Variants in RAB3GAP1 observed in about 807,000 individuals in gnomAD.
RAB3GAP1 encodes rab3 GTPase-activating protein catalytic subunit.
RAB3GAP1 carries 86 observed loss-of-function variants against 130.7 expected under a neutral mutation model. The observed-to-expected ratio is 0.66, with a 90% CI of 0.55 to 0.79. The LOEUF (loss-of-function observed/expected upper bound fraction) is 0.79, where lower values mean the gene tolerates loss of function less well. RAB3GAP1 is among the 30% of genes least tolerant of loss of function. RAB3GAP1 has a pLI of 0.00. For synonymous variants in RAB3GAP1, 367 were observed against 401.7 expected (o/e 0.91, Z 1.03); for missense variants, 1,029 against 1,169.4 (o/e 0.88, Z 1.75).
Position 135,164,578 on chromosome 2 carries a change from T to TG in RAB3GAP1, c.2607-15dup. On this transcript the variant is annotated splice_polypyrimidine_tract_variant and intron_variant, in intron 22 of 23. Coordinates refer to ENST00000264158, the MANE Select transcript of RAB3GAP1 (RefSeq NM_012233.3). ...GCTCACTTTCCACCCTTTCATTGCC[T>TG]GTCTCTGTCTCCTAGGTTTGTGAGT... 1 of 1,591,670 alleles carries TG rather than the reference T, an allele frequency of 6.3e-7. No individual in the cohort carries two copies. The highest frequency in any genetic ancestry group is 1.1e-5 in the South Asian group (1 of 90,482).
intron 5 of RAB3GAP1, among the ~76,000 whole-genome samples, chr2:135,108,457 C>T (rs72978353): frequency 0.045 from 6,741 of 150,766 alleles, 508 homozygotes; most frequent in African/African-American, 0.16. Flanking sequence ...TCTTTTCATA[C>T]GCTTGTTTGC....
Position 135,120,884 on chromosome 2 carries a change from T to C in RAB3GAP1, c.714T>C (p.Asp238=), listed in dbSNP as rs1210464732. Residue 238 remains aspartate (D), a synonymous_variant, in exon 8 of 24, where the codon GAT becomes GAC. Coordinates refer to ENST00000264158, the MANE Select transcript of RAB3GAP1 (RefSeq NM_012233.3). The part of the protein sequence containing the change: ...IAIRFTYVLQ[D]WQQYFWPQQP... ...TTCGATTTACCTATGTACTTCAAGA[T>C]TGGCAGCAGTATTTTTGGCCTCAGC... 2.5e-6 allele frequency: 4 copies of C among 1,613,050 alleles called. No homozygotes were observed. The highest frequency in any genetic ancestry group is 2.5e-6 in the Non-Finnish European group (3 of 1,179,166).
At chr2:135,145,685 G>A (rs745343279) in intron 17 of RAB3GAP1, among the ~76,000 whole-genome samples, 4 of 152,100 alleles carry the variant, frequency 2.6e-5, no homozygotes, top group Non-Finnish European at 4.4e-5. Flanking sequence ...CCTGATGAGT[G>A]ATTAACATAA....
chr2:135,115,479 T>C (rs1690943842), intron 7 of RAB3GAP1, 98 bp downstream of exon 7: 3 of 1,223,456 alleles, frequency 2.5e-6, no homozygotes, highest in South Asian at 1.6e-5. Context: ...CTCTATAATA[T>C]TGATAATGTA....
chr2:135,100,204 C>A (rs1017382645), intron 5 of RAB3GAP1, among the ~76,000 whole-genome samples: 1 of 152,148 alleles, frequency 6.6e-6, no homozygotes, highest in Non-Finnish European at 1.5e-5. Context: ...TATTGTCAGA[C>A]GTAAACAGAC....
chr2:135,138,228 TG>T (rs1338952364), intron 17 of RAB3GAP1, among the ~76,000 whole-genome samples: 2 of 150,476 alleles, frequency 1.3e-5, no homozygotes, highest in East Asian at 2.0e-4. Flanking sequence ...TTGGATTGCT[TG>T]AGCCCAGGAA....
At chr2:135,096,975 T>A (rs1241643587) in intron 5 of RAB3GAP1, among the ~76,000 whole-genome samples, 1 of 152,200 alleles carries the variant, frequency 6.6e-6, no homozygotes, top group Non-Finnish European at 1.5e-5. Flanking sequence ...AATAACTTGT[T>A]AGTAGGGTGG....
chr2:135,097,979 A>G (rs1462933287), intron 5 of RAB3GAP1, among the ~76,000 whole-genome samples: 1 of 152,178 alleles, frequency 6.6e-6, no homozygotes, highest in Non-Finnish European at 1.5e-5. Context: ...TAGTTGTACC[A>G]TTTTGCATTC....
intron 5 of RAB3GAP1, among the ~76,000 whole-genome samples, chr2:135,106,123 G>T (rs185558726): frequency 6.6e-6 from 1 of 151,518 alleles, no homozygotes; most frequent in Non-Finnish European, 1.5e-5. Flanking sequence ...CCTGCCAGCC[G>T]CCCCGTCCAG....
At chr2:135,114,763 G>C (rs916454422) in intron 6 of RAB3GAP1, among the ~76,000 whole-genome samples, 1 of 152,178 alleles carries the variant, frequency 6.6e-6, no homozygotes, top group East Asian at 1.9e-4. Context: ...GTGTTAACAC[G>C]TATTCTCTCT....
intron 7 of RAB3GAP1, among the ~76,000 whole-genome samples, chr2:135,117,522 GCTT>G (rs34125264): frequency 0.023 from 684 of 30,022 alleles, 10 homozygotes; most frequent in South Asian, 0.15. Flanking sequence ...TGCTTCTTCT[GCTT>G]CTTCTGCTTC....
chr2:135,157,787 G>A (rs1048232985), intron 19 of RAB3GAP1, among the ~76,000 whole-genome samples: 8 of 148,966 alleles, frequency 5.4e-5, no homozygotes, highest in African/African-American at 7.4e-5. Flanking sequence ...AGCCGAGATC[G>A]TGTCACTGCA....
At chr2:135,166,414 T>G (rs977674698) in intron 23 of RAB3GAP1, among the ~76,000 whole-genome samples, 9 of 152,156 alleles carry the variant, frequency 5.9e-5, no homozygotes, top group Non-Finnish European at 1.0e-4. Flanking sequence ...AGTGGCAAGA[T>G]CATAACTCAC....
In RAB3GAP1 at chr2:135,157,319, A is replaced by G. The variant is rs372552479; in HGVS notation, c.2289+3443A>G. 3.3e-5 allele frequency among the ~76,000 whole-genome samples: 5 copies of G among 152,328 alleles called. No homozygotes were observed. The South Asian group carries it at 1.0e-3, about 32-fold the overall frequency. On this transcript the variant is annotated intron_variant, in intron 19 of 23. Coordinates refer to ENST00000264158, the MANE Select transcript of RAB3GAP1 (RefSeq NM_012233.3). ...CAAGTGTGAGCCACTGTGCTAGCCTATGCTTTACTTATTCCAAAAAAATAA... is the reference window on the plus strand; with the variant it reads ...CAAGTGTGAGCCACTGTGCTAGCCTGTGCTTTACTTATTCCAAAAAAATAA...
intron 18 of RAB3GAP1, among the ~76,000 whole-genome samples, chr2:135,152,161 A>G (rs1460818660): frequency 6.6e-6 from 1 of 152,262 alleles, no homozygotes; most frequent in Non-Finnish European, 1.5e-5. Flanking sequence ...TACTTTTTGT[A>G]TAGGGATGAG....
At chr2:135,102,318 C>T (rs1213529586) in intron 5 of RAB3GAP1, among the ~76,000 whole-genome samples, 1 of 152,176 alleles carries the variant, frequency 6.6e-6, no homozygotes, top group Non-Finnish European at 1.5e-5. Context: ...ATGGGTTCTG[C>T]GCTAGAGCAT....
chr2:135,088,853 G>A (rs1205710673), intron 3 of RAB3GAP1, among the ~76,000 whole-genome samples: 1 of 152,022 alleles, frequency 6.6e-6, no homozygotes, highest in Non-Finnish European at 1.5e-5. Context: ...CTCCCATTCT[G>A]TAGGTTGCCT....
At chr2:135,138,114 A>G (rs773158018) in intron 17 of RAB3GAP1, among the ~76,000 whole-genome samples, 1 of 151,916 alleles carries the variant, frequency 6.6e-6, no homozygotes, top group African/African-American at 2.4e-5. Flanking sequence ...GACATGATCC[A>G]CTGCACCCGG....
chr2:135,131,873 A>G (rs533250474), intron 13 of RAB3GAP1, among the ~76,000 whole-genome samples: 1 of 152,350 alleles, frequency 6.6e-6, no homozygotes, highest in South Asian at 2.1e-4. Flanking sequence ...ATACTCCCGG[A>G]AATTTGTGCA....
Sources: gnomAD v4.1 joint callset for allele counts (sites outside exome capture counted in the v4.1 genomes callset) on GRCh38, gnomAD v4.1.1 for gene constraint, MANE v1.5 for transcripts, NCBI Gene and HGNC (gene_info 2026-07-23, HGNC 2026-07-21) for gene names.